Variants in NKAIN3 observed in about 807,000 individuals in gnomAD.
NKAIN3 encodes the protein sodium/potassium-transporting ATPase subunit beta-1-interacting protein 3.
NKAIN3 carries 25 observed loss-of-function variants against 30.2 expected under a neutral mutation model. That is an observed-to-expected ratio of 0.83 (90% CI 0.60 to 1.16). NKAIN3 has a LOEUF of 1.16. Ranked by LOEUF, NKAIN3 falls within the 50% of genes most tolerant of loss-of-function variation. The pLI is 0.00. For missense variants in NKAIN3, 225 were observed against 254.1 expected (o/e 0.89, Z 0.78); for synonymous variants, 91 against 89.6 (o/e 1.02, Z -0.09).
intron 3 of NKAIN3, among the ~76,000 whole-genome samples, chr8:62,647,096 CATAACAAT>C (rs1812483026): frequency 2.0e-5 from 3 of 152,138 alleles, no homozygotes; most frequent in Admixed American, 2.0e-4. Context: ...CGTTGAGATT[CATAACAAT>C]AGCATTCACA....
intron 1 of NKAIN3, among the ~76,000 whole-genome samples, chr8:62,519,763 C>A (rs1315273217): frequency 6.6e-6 from 1 of 152,114 alleles, no homozygotes; most frequent in African/African-American, 2.4e-5. Flanking sequence ...TATTCACAGC[C>A]AGTTGCATTC....
At chr8:62,418,319 G>A (rs764892291) in intron 1 of NKAIN3, among the ~76,000 whole-genome samples, 3 of 152,170 alleles carry the variant, frequency 2.0e-5, no homozygotes, top group Non-Finnish European at 4.4e-5. Context: ...AGCTACTTGA[G>A]TGTCCACCAT....
At position 62,697,962 on chromosome 8, in the gene NKAIN3, C is replaced by T. The variant is rs141807748; in HGVS notation, c.274-48970C>T. Among the ~76,000 whole-genome samples the T allele has an allele frequency of 5.6e-3, 844 of 152,018 alleles. 7 individuals carry two copies. Among genetic ancestry groups the T allele is most frequent in the African/African-American group, 0.019 (785 of 41,476 alleles). Reference sequence around the variant, plus strand: ...AATAATTAAGGCTGAATATCAATACCAATAAAATATAGAACGAAATCTTGT... The same window carrying T: ...AATAATTAAGGCTGAATATCAATACTAATAAAATATAGAACGAAATCTTGT... On this transcript the variant is annotated intron_variant, in intron 3 of 6. Coordinates refer to ENST00000623646, the MANE Select transcript of NKAIN3 (RefSeq NM_001304533.3).
chr8:62,797,675 A>G (rs1163379182), intron 4 of NKAIN3, among the ~76,000 whole-genome samples: 2 of 152,190 alleles, frequency 1.3e-5, no homozygotes, highest in Non-Finnish European at 2.9e-5. Context: ...TAAACAAGGT[A>G]AAAACAACTA....
At chr8:62,500,787 A>C (rs1807423764) in intron 1 of NKAIN3, among the ~76,000 whole-genome samples, 1 of 152,164 alleles carries the variant, frequency 6.6e-6, no homozygotes, top group Non-Finnish European at 1.5e-5. Flanking sequence ...AGGCACCAAG[A>C]GGGGAATGAT....
Position 62,579,554 on chromosome 8 carries a change from A to T in NKAIN3, c.70A>T (p.Arg24Trp). Residue 24 changes from arginine to tryptophan, a missense_variant, in exon 2 of 7, where the codon AGG becomes TGG. Arg to Trp is a moderately radical substitution (Grantham distance 101, BLOSUM62 -3). Coordinates refer to ENST00000623646, the MANE Select transcript of NKAIN3 (RefSeq NM_001304533.3). ...CALQLVSALE[R>W]QIFDFLGFQW... ...TTTGTTGTAGGTCTCAGCATTAGAG[A>T]GGCAGATCTTTGACTTCCTTGGTTT... 1 of 1,609,082 alleles carries T rather than the reference A, an allele frequency of 6.2e-7. No individual in the cohort carries two copies. Among genetic ancestry groups the T allele is most frequent in the Non-Finnish European group, 8.5e-7 (1 of 1,177,710 alleles).
rs564703316 is a variant in NKAIN3 at position 62,510,440 on chromosome 8, C to T, written c.55-69099C>T. 2.0e-5 allele frequency among the ~76,000 whole-genome samples: 3 copies of T among 152,248 alleles called. No homozygotes were observed. The East Asian group carries it at 5.8e-4, about 29-fold the overall frequency. On this transcript the variant is annotated intron_variant, in intron 1 of 6. Transcript: ENST00000623646. ...CTCCATCATTCTTAGCACATCGGCT[C>T]TTGATGTCAGCTTACCATGACAACT...
At chr8:62,823,750 T>C (rs1818929245) in intron 4 of NKAIN3, among the ~76,000 whole-genome samples, 1 of 152,154 alleles carries the variant, frequency 6.6e-6, no homozygotes. Flanking sequence ...GACAGATGAC[T>C]AAGGGCAAGG....
chr8:62,682,972 T>A (rs1039049253), intron 3 of NKAIN3, among the ~76,000 whole-genome samples: 1 of 152,214 alleles, frequency 6.6e-6, no homozygotes, highest in African/African-American at 2.4e-5. Flanking sequence ...ATCCAATTTA[T>A]AATTTCCAAG....
chr8:62,585,430 G>T (rs778485007), intron 2 of NKAIN3, among the ~76,000 whole-genome samples: 20 of 152,082 alleles, frequency 1.3e-4, no homozygotes, highest in Non-Finnish European at 2.5e-4. Context: ...AAGTATTTTG[G>T]CTAAGGTGCA....
chr8:62,272,010 T>A (rs1004259134), intron 1 of NKAIN3, among the ~76,000 whole-genome samples: 1 of 152,160 alleles, frequency 6.6e-6, no homozygotes, highest in African/African-American at 2.4e-5. Flanking sequence ...CTACAAAAAA[T>A]ATCTGCCCTC....
chr8:62,395,056 G>A (rs892881762), intron 1 of NKAIN3, among the ~76,000 whole-genome samples: 3 of 151,194 alleles, frequency 2.0e-5, no homozygotes, highest in African/African-American at 7.3e-5. Context: ...TCACTTCCCA[G>A]ACGGTGGGTC....
At chr8:62,997,134 G>A (rs77192237) in intron 5 of NKAIN3, among the ~76,000 whole-genome samples, 3,110 of 152,252 alleles carry the variant, frequency 0.02, 94 homozygotes, top group African/African-American at 0.067. Flanking sequence ...GAAGACCAGC[G>A]TGGGAGGCAA....
At chr8:62,725,625 A>G (rs956683351) in intron 3 of NKAIN3, among the ~76,000 whole-genome samples, 2 of 152,072 alleles carry the variant, frequency 1.3e-5, no homozygotes, top group Admixed American at 6.6e-5. Flanking sequence ...TCTCCAATAT[A>G]TGTTCTTTGC....
At chr8:62,484,081 T>C (rs1312934192) in intron 1 of NKAIN3, among the ~76,000 whole-genome samples, 1 of 152,180 alleles carries the variant, frequency 6.6e-6, no homozygotes, top group Non-Finnish European at 1.5e-5. Flanking sequence ...TGCCCTCCTG[T>C]TTCAAGCTCT....
At chr8:62,914,538 GAT>G (rs1563625388) in intron 4 of NKAIN3, among the ~76,000 whole-genome samples, 1 of 152,014 alleles carries the variant, frequency 6.6e-6, no homozygotes, top group Non-Finnish European at 1.5e-5. Flanking sequence ...CTGCTTTTAG[GAT>G]ATATATTTGT....
chr8:62,249,856 A>G (rs1356197433), intron 1 of NKAIN3, among the ~76,000 whole-genome samples: 1 of 152,202 alleles, frequency 6.6e-6, no homozygotes, highest in Non-Finnish European at 1.5e-5. Flanking sequence ...GTTAGAAACT[A>G]GAGTGGGGAA....
intron 1 of NKAIN3, among the ~76,000 whole-genome samples, chr8:62,577,800 T>C (rs907967482): frequency 2.6e-5 from 4 of 151,942 alleles, no homozygotes; most frequent in African/African-American, 9.7e-5. Flanking sequence ...GAATCCTGAA[T>C]GTATCCTGAA....
chr8:62,616,814 G>T (rs2071496367), intron 3 of NKAIN3, among the ~76,000 whole-genome samples: 1 of 151,966 alleles, frequency 6.6e-6, no homozygotes, highest in Non-Finnish European at 1.5e-5. Flanking sequence ...GTCCTCAAAG[G>T]TCACCTCATT....
Sources: gnomAD v4.1 joint callset for allele counts (sites outside exome capture counted in the v4.1 genomes callset) on GRCh38, gnomAD v4.1.1 for gene constraint, MANE v1.5 for transcripts, NCBI Gene and HGNC (gene_info 2026-07-23, HGNC 2026-07-21) for gene names.